PPP1R13B: variants seen among roughly 807,000 people sequenced by gnomAD.
PPP1R13B encodes protein phosphatase 1 regulatory subunit 13B.
A neutral mutation model predicts 119.8 loss-of-function variants in PPP1R13B; 44 were observed. That is an observed-to-expected ratio of 0.37 (90% CI 0.29 to 0.47). The LOEUF is 0.47. Among genes scored for constraint, PPP1R13B ranks in the 20% least tolerant of loss-of-function variants. The pLI, the probability that PPP1R13B is intolerant of heterozygous loss-of-function variation, is 0.99. For synonymous variants in PPP1R13B, 542 were observed against 561.5 expected, an observed-to-expected ratio of 0.97 and a Z score of 0.49; for missense variants, 1,227 against 1,413.5, an observed-to-expected ratio of 0.87 and a Z score of 2.12.
intron 4 of PPP1R13B, 51 bp downstream of exon 4, chr14:103,778,684 GTGTAACCCAC>G: frequency 7.2e-7 from 1 of 1,380,284 alleles, no homozygotes; most frequent in South Asian, 1.2e-5. Flanking sequence ...GAGATTACAG[GTGTAACCCAC>G]TGCACCTAGC....
intron 4 of PPP1R13B, chr14:103,759,044 C>T (rs1207764216): frequency 1.3e-5 from 2 of 151,982 alleles, no homozygotes; most frequent in Admixed American, 6.6e-5. Context: ...CTGCAACCTC[C>T]GCCTCCTGGG....
At chr14:103,758,452 G>A (rs2084728430) in intron 4 of PPP1R13B, among the ~76,000 whole-genome samples, 1 of 152,224 alleles carries the variant, frequency 6.6e-6, no homozygotes, top group South Asian at 2.1e-4. Flanking sequence ...AGGGCAGTCA[G>A]CTTGCGAGGC....
intron 1 of PPP1R13B, among the ~76,000 whole-genome samples, chr14:103,843,373 CA>C (rs557759120): frequency 1.3e-4 from 19 of 143,228 alleles, no homozygotes; most frequent in African/African-American, 1.0e-4. Context: ...GACTCTGTCT[CA>C]AAAAAAAAAA....
At chr14:103,772,681 T>C (rs1387930766) in intron 4 of PPP1R13B, among the ~76,000 whole-genome samples, 1 of 151,450 alleles carries the variant, frequency 6.6e-6, no homozygotes, top group Non-Finnish European at 1.5e-5. Context: ...TTTTCTTTTT[T>C]TTTTTTTTTG....
At chr14:103,785,815 C>T (rs1170217077) in intron 2 of PPP1R13B, among the ~76,000 whole-genome samples, 2 of 151,678 alleles carry the variant, frequency 1.3e-5, no homozygotes, top group Non-Finnish European at 2.9e-5. Flanking sequence ...CCACTATGCT[C>T]AGCCTCCCAT....
At chr14:103,755,929 A>G (rs1039946084) in intron 5 of PPP1R13B, among the ~76,000 whole-genome samples, 3 of 152,208 alleles carry the variant, frequency 2.0e-5, no homozygotes, top group Non-Finnish European at 4.4e-5. Context: ...TATTATTTAC[A>G]TAAAAGTGGA....
intron 1 of PPP1R13B, among the ~76,000 whole-genome samples, chr14:103,834,296 A>C (rs1308449141): frequency 6.6e-6 from 1 of 152,156 alleles, no homozygotes; most frequent in Non-Finnish European, 1.5e-5. Context: ...GAATCACTTG[A>C]AACCAGGAGG....
chr14:103,745,213 T>C (rs894433413), intron 9 of PPP1R13B, among the ~76,000 whole-genome samples: 1 of 152,156 alleles, frequency 6.6e-6, no homozygotes, highest in Non-Finnish European at 1.5e-5. Context: ...CTCTTCTCTT[T>C]CGGAGTTCAT....
chr14:103,738,325 AC>A lies in PPP1R13B; in HGVS notation c.2864+353del. 1 of 329,778 alleles carries A rather than the reference AC, an allele frequency of 3.0e-6. No individual in the cohort carries two copies. Among genetic ancestry groups the A allele is most frequent in the Middle Eastern group, 9.7e-4 (1 of 1,034 alleles). The allele number at this position is 329,778 out of a possible 1,614,324, so 20.4% of individuals were successfully genotyped here. A position where few individuals can be genotyped will look rare whatever the true frequency, so the allele number is the denominator to read the frequency against. On this transcript the variant is annotated intron_variant, in intron 14 of 16. Coordinates refer to ENST00000202556, the MANE Select transcript of PPP1R13B (RefSeq NM_015316.3). The surrounding 1 kb of genome is among the most constrained non-coding windows in gnomAD (Gnocchi z 5.6). ...AACAATGCGACAACCTACATGCCTG[AC>A]CCAGGGGGATGCTGAGGCTGCTTTT...
intron 15 of PPP1R13B, chr14:103,736,784 AGAGTTT>A (rs1443618391): frequency 6.5e-6 from 1 of 154,700 alleles, no homozygotes. Flanking sequence ...ACACAGCCTG[AGAGTTT>A]GTTGCTTGGC....
intron 2 of PPP1R13B, among the ~76,000 whole-genome samples, chr14:103,789,517 ATTT>A: frequency 6.8e-6 from 1 of 147,926 alleles, no homozygotes; most frequent in Middle Eastern, 3.9e-3. Context: ...TGTCCGGCCA[ATTT>A]TTTATTTTTT....
intron 2 of PPP1R13B, among the ~76,000 whole-genome samples, chr14:103,789,235 G>T (rs556701798): frequency 1.3e-5 from 2 of 151,956 alleles, no homozygotes; most frequent in Non-Finnish European, 1.5e-5. Flanking sequence ...TTTTTTTTGG[G>T]GGGGATGGAG....
At chr14:103,779,982 C>T (rs999900594) in intron 3 of PPP1R13B, among the ~76,000 whole-genome samples, 5 of 151,652 alleles carry the variant, frequency 3.3e-5, no homozygotes. Flanking sequence ...AACCCTGTCT[C>T]TAGTAAAATT....
intron 4 of PPP1R13B, among the ~76,000 whole-genome samples, chr14:103,764,947 T>C (rs2084903940): frequency 6.6e-6 from 1 of 152,060 alleles, no homozygotes; most frequent in Admixed American, 6.6e-5. Context: ...ATCTCCCGAG[T>C]AGCTGGGACT....
Position 103,740,561 on chromosome 14 carries a change from T to A in PPP1R13B, c.1855A>T (p.Thr619Ser), listed in dbSNP as rs776655290. 1.6e-5 allele frequency: 24 copies of A among 1,546,922 alleles called. No individual in the cohort carries two copies. The highest frequency in any genetic ancestry group is 2.0e-5 in the Non-Finnish European group (23 of 1,144,428). ...YGKPVLPSGS[T>S]SPSPLPFLHG... Reference sequence around the variant, plus strand: ...AGAAACGGCAGCGGCGATGGAGAGGTTGAACCCGAAGGTAAAACGGGCTTA... The same window carrying A: ...AGAAACGGCAGCGGCGATGGAGAGGATGAACCCGAAGGTAAAACGGGCTTA... Residue 619 changes from threonine (T) to serine (S), a missense_variant, in exon 12 of 17, where the codon ACC becomes TCC. By Grantham distance (58) the Thr-to-Ser change is moderately conservative. Coordinates refer to ENST00000202556, the MANE Select transcript of PPP1R13B (RefSeq NM_015316.3). The surrounding 1 kb of genome is among the most constrained non-coding windows in gnomAD (Gnocchi z 4.6).
rs144971185 is a variant in PPP1R13B at position 103,753,303 on chromosome 14, G to A, written c.632-107C>T. On this transcript the variant is annotated intron_variant, in intron 6 of 16. Transcript: ENST00000202556. ...TAGTATCATTTAGTGCCAGACCGTG[G>A]AGAAAGCTGTGATATGCAGAATCCA... The A allele has an allele frequency of 2.7e-4, 310 of 1,168,306 alleles. 6 individuals carry two copies. The East Asian group carries it at 7.5e-3, about 28-fold the overall frequency. The allele number at this position is 1,168,306 out of a possible 1,614,324, so 72.4% of individuals were successfully genotyped here.
rs200850652 is a variant in PPP1R13B, at chr14:103,738,859, G to A, written c.2730+27C>T. The A allele has an allele frequency of 7.0e-4, 1,127 of 1,613,136 alleles. 10 individuals are homozygous for A. The South Asian group carries it at 9.6e-3, about 14-fold the overall frequency. Reference sequence around the variant, plus strand: ...CGCCCATCCCCTCGCCCCCAGCAGCGTGCACTGGTCCCCGGCTGCAGCTCA... The same window carrying A: ...CGCCCATCCCCTCGCCCCCAGCAGCATGCACTGGTCCCCGGCTGCAGCTCA... On this transcript the variant is annotated intron_variant, in intron 13 of 16. Transcript: ENST00000202556. The surrounding 1 kb of genome is among the most constrained non-coding windows in gnomAD (Gnocchi z 5.6).
At chr14:103,752,594 G>A (rs991314192) in intron 7 of PPP1R13B, among the ~76,000 whole-genome samples, 1 of 146,450 alleles carries the variant, frequency 6.8e-6, no homozygotes, top group African/African-American at 2.6e-5. Flanking sequence ...GAGTGCAGTG[G>A]CGCAATCTTG....
chr14:103,761,545 C>T (rs978999697), intron 4 of PPP1R13B, among the ~76,000 whole-genome samples: 6 of 151,938 alleles, frequency 3.9e-5, no homozygotes, highest in East Asian at 1.9e-4. Flanking sequence ...GGGCGGATCA[C>T]GAGGTCAGGA....
Sources: gnomAD v4.1 joint callset for allele counts (sites outside exome capture counted in the v4.1 genomes callset) on GRCh38, gnomAD v4.1.1 for gene constraint, Gnocchi (gnomAD v3.1) non-coding constraint, MANE v1.5 for transcripts, NCBI Gene and HGNC (gene_info 2026-07-23, HGNC 2026-07-21) for gene names.